The following RBPMS variants were observed in gnomAD, a reference collection of about 807,000 sequenced individuals.
RBPMS encodes RNA-binding protein with multiple splicing.
In RBPMS, 7 loss-of-function variants were observed where a neutral mutation model predicts 26.8. The observed-to-expected ratio is 0.26, with a 90% CI of 0.15 to 0.49. RBPMS has a LOEUF of 0.49. RBPMS is among the 20% of genes least tolerant of loss of function. RBPMS has a pLI of 0.98. For synonymous variants in RBPMS, 96 were observed against 93.3 expected (o/e 1.03, Z -0.17); for missense variants, 186 against 250.0 (o/e 0.74, Z 1.73).
In RBPMS at chr8:30,491,006, G is replaced by GT. The variant is rs757799149; in HGVS notation, c.246+11631dup. Among the ~76,000 whole-genome samples the GT allele has an allele frequency of 1.2e-4, 19 of 152,300 alleles. 1 individual carries two copies. The highest frequency in any genetic ancestry group is 7.2e-4 in the Admixed American group (11 of 15,288). On this transcript the variant is annotated intron_variant, in intron 4 of 8. Transcript: ENST00000397323. Reference sequence around the variant, plus strand: ...GCCCCAAGTTCTTGGTTGGAAGGAGGTTGCAAGCCATTTGATGGTGTGTGT... The same window carrying GT: ...GCCCCAAGTTCTTGGTTGGAAGGAGGTTTGCAAGCCATTTGATGGTGTGTGT...
At chr8:30,421,597 A>G (rs545758443) in intron 1 of RBPMS, among the ~76,000 whole-genome samples, 47 of 152,326 alleles carry the variant, frequency 3.1e-4, no homozygotes, top group African/African-American at 9.9e-4. Flanking sequence ...CTATGTGCCA[A>G]GGATAATGTC....
rs547914072 is a variant in RBPMS at position 30,480,269 on chromosome 8, C to T, written c.246+892C>T. On this transcript the variant is annotated intron_variant, in intron 4 of 8. Transcript: ENST00000397323. ...TGTAATACAGGTACCATTTTGGAGGCGTCTGGGAACTTGCGTCTGGCCTTT... is the reference window on the plus strand; with the variant it reads ...TGTAATACAGGTACCATTTTGGAGGTGTCTGGGAACTTGCGTCTGGCCTTT... 4.6e-5 allele frequency among the ~76,000 whole-genome samples: 7 copies of T among 152,232 alleles called. No homozygotes were observed. In the South Asian group the frequency reaches 1.0e-3, roughly 23 times the overall value.
Position 30,571,713 on chromosome 8 carries a change from C to T in RBPMS, c.*1188C>T, listed in dbSNP as rs1828258722. 6.6e-6 allele frequency: 1 copy of T among 152,310 alleles called. No individual in the cohort carries two copies. The highest frequency in any genetic ancestry group is 1.5e-5 in the Non-Finnish European group (1 of 68,076). 9.4% of individuals were successfully genotyped at this position (152,310 alleles called of 1,614,324 possible). On this transcript the variant is annotated 3_prime_UTR_variant, in exon 9 of 9. Transcript: ENST00000397323. ...CCCCACAGGAGACGGAGGCAGTGGGCATTTGGAACCAATTCTATTCAGACT... is the reference window on the plus strand; with the variant it reads ...CCCCACAGGAGACGGAGGCAGTGGGTATTTGGAACCAATTCTATTCAGACT...
intron 5 of RBPMS, among the ~76,000 whole-genome samples, chr8:30,518,711 T>TTTTTTTTTTTTTTTTC (rs1554533817): frequency 2.2e-5 from 3 of 136,716 alleles, no homozygotes; most frequent in Non-Finnish European, 3.1e-5. Context: ...TTTTTTTTTT[T>TTTTTTTTTTTTTTTTC]TTTTCTGAAA....
intron 5 of RBPMS, among the ~76,000 whole-genome samples, chr8:30,534,073 G>A (rs189369725): frequency 9.2e-5 from 14 of 151,992 alleles, no homozygotes; most frequent in Admixed American, 6.6e-4. Context: ...GGCGGAGGTT[G>A]CAGTGAGCCG....
At chr8:30,568,176 C>A (rs1284529380) in intron 8 of RBPMS, among the ~76,000 whole-genome samples, 6 of 152,222 alleles carry the variant, frequency 3.9e-5, no homozygotes, top group African/African-American at 1.4e-4. Flanking sequence ...AACGGAAGCA[C>A]TCTTAATTAG....
chr8:30,473,948 G>A (rs1817416528), intron 1 of RBPMS, among the ~76,000 whole-genome samples: 2 of 152,264 alleles, frequency 1.3e-5, no homozygotes, highest in Middle Eastern at 3.4e-3. Flanking sequence ...GGCTTGAGGG[G>A]AGGAAGAGCA....
At chr8:30,456,110 T>G (rs1343759888) in intron 1 of RBPMS, among the ~76,000 whole-genome samples, 2 of 152,136 alleles carry the variant, frequency 1.3e-5, no homozygotes, top group African/African-American at 2.4e-5. Flanking sequence ...GTGTGTGTGT[T>G]TTTTAATGCA....
chr8:30,494,048 G>A (rs1341923493), intron 4 of RBPMS, among the ~76,000 whole-genome samples: 2 of 152,174 alleles, frequency 1.3e-5, no homozygotes, highest in East Asian at 3.8e-4. Context: ...AAGTATATCT[G>A]CCTGGTTCCT....
At chr8:30,519,424 C>T (rs554964959) in intron 5 of RBPMS, among the ~76,000 whole-genome samples, 2 of 145,750 alleles carry the variant, frequency 1.4e-5, no homozygotes, top group African/African-American at 2.5e-5. Flanking sequence ...TAATCTAGAG[C>T]ACTTTCTCTC....
intron 2 of RBPMS, among the ~76,000 whole-genome samples, chr8:30,477,009 C>T (rs1817767641): frequency 6.6e-6 from 1 of 152,166 alleles, no homozygotes; most frequent in South Asian, 2.1e-4. Flanking sequence ...ACATCATTGC[C>T]TGCTTAACCA....
intron 6 of RBPMS, among the ~76,000 whole-genome samples, chr8:30,549,772 T>TTCTCTCTCTCTCTCTCTC (rs1181705539): frequency 3.8e-4 from 27 of 71,222 alleles, no homozygotes; most frequent in African/African-American, 9.0e-4. Flanking sequence ...TTTTCTTTTC[T>TTCTCTCTCTCTCTCTCTC]TCTCTCTCTC....
intron 5 of RBPMS, among the ~76,000 whole-genome samples, chr8:30,524,554 C>CA (rs1413954191): frequency 6.6e-6 from 1 of 152,066 alleles, no homozygotes; most frequent in African/African-American, 2.4e-5. Context: ...ACTACAGTCC[C>CA]AGGTTATTAC....
chr8:30,426,673 T>C (rs1422921634), intron 1 of RBPMS, among the ~76,000 whole-genome samples: 2 of 150,774 alleles, frequency 1.3e-5, no homozygotes, highest in African/African-American at 4.9e-5. Flanking sequence ...TTGCTTGCAG[T>C]GATTTTCTTT....
At chr8:30,475,173 C>T (rs948057431) in intron 2 of RBPMS, among the ~76,000 whole-genome samples, 5 of 152,072 alleles carry the variant, frequency 3.3e-5, no homozygotes, top group Non-Finnish European at 7.4e-5. Context: ...ACCTAACCAC[C>T]GTTATTTTTT....
intron 5 of RBPMS, 139 bp downstream of exon 5, chr8:30,504,575 G>A (rs1241988993): frequency 2.6e-6 from 2 of 777,088 alleles, no homozygotes; most frequent in Admixed American, 2.9e-5. Context: ...AGGCGTTCTT[G>A]GTGTCAGAAT....
chr8:30,514,680 C>CTTTTTTTTTTTTTTTTT lies in RBPMS; in HGVS notation c.397+10251_397+10267dup, dbSNP rs577244764. ...TACGGGTGCGAGCCACCATGCCGGG[C>CTTTTTTTTTTTTTTTTT]TTTTTTTTTTTTTTTTTTTTTTTAA... is the stretch of plus-strand genomic sequence containing the variant. On this transcript the variant is annotated intron_variant, in intron 5 of 8. Transcript: ENST00000397323. Among the ~76,000 whole-genome samples, 23 of 82,650 alleles carry CTTTTTTTTTTTTTTTTT rather than the reference C, an allele frequency of 2.8e-4. 2 individuals are homozygous for CTTTTTTTTTTTTTTTTT. Among genetic ancestry groups the CTTTTTTTTTTTTTTTTT allele is most frequent in the African/African-American group, 8.9e-4 (17 of 19,020 alleles). 54.2% of individuals were successfully genotyped at this position (82,650 alleles called of 152,430 possible). A position where few individuals can be genotyped will look rare whatever the true frequency, so the allele number is the denominator to read the frequency against.
chr8:30,569,042 C>A (rs1011238777), intron 8 of RBPMS, among the ~76,000 whole-genome samples: 1 of 152,214 alleles, frequency 6.6e-6, no homozygotes, highest in Non-Finnish European at 1.5e-5. Context: ...TGGGAAGCTG[C>A]GTGGTTCATT....
chr8:30,451,896 A>G (rs568469825), intron 1 of RBPMS, among the ~76,000 whole-genome samples: 1 of 152,250 alleles, frequency 6.6e-6, no homozygotes, highest in Non-Finnish European at 1.5e-5. Flanking sequence ...CCATCATATA[A>G]TGATTGTGTT....
Sources: gnomAD v4.1 joint callset for allele counts (sites outside exome capture counted in the v4.1 genomes callset) on GRCh38, gnomAD v4.1.1 for gene constraint, MANE v1.5 for transcripts, NCBI Gene and HGNC (gene_info 2026-07-23, HGNC 2026-07-21) for gene names.